Variants in DUOX1 observed in about 807,000 individuals in gnomAD.
The protein encoded by DUOX1 is dual oxidase 1.
In DUOX1, 134 loss-of-function variants were observed where a neutral mutation model predicts 181.8. The observed-to-expected ratio is 0.74, with a 90% CI of 0.64 to 0.85. DUOX1 has a LOEUF of 0.85. DUOX1 is among the 40% of genes least tolerant of loss of function. The pLI is 0.00. For synonymous variants in DUOX1, 798 were observed against 832.5 expected (o/e 0.96, Z 0.71); for missense variants, 1,814 against 2,064.4 (o/e 0.88, Z 2.35).
intron 28 of DUOX1, among the ~76,000 whole-genome samples, chr15:45,157,528 C>T (rs1010236499): frequency 3.3e-5 from 5 of 152,070 alleles, no homozygotes; most frequent in Non-Finnish European, 7.4e-5. Flanking sequence ...GTCAGGGGTT[C>T]GAAAGGTGTG....
chr15:45,160,680 G>GATCTAGAAAATACTCT (rs1595596934), intron 28 of DUOX1, among the ~76,000 whole-genome samples, 157 bp from the exon 29 acceptor site: 3 of 152,202 alleles, frequency 2.0e-5, no homozygotes, highest in African/African-American at 2.4e-5. Flanking sequence ...ATGGAGTTGG[G>GATCTAGAAAATACTCT]AATGGTGAGG....
At chr15:45,155,207 C>A (rs1896940452) in intron 27 of DUOX1, among the ~76,000 whole-genome samples, 1 of 152,224 alleles carries the variant, frequency 6.6e-6, no homozygotes, top group Non-Finnish European at 1.5e-5. Context: ...CTAGCTTAGC[C>A]TGTTCCTCAT....
At chr15:45,141,864 C>T in intron 14 of DUOX1, 111 bp from the exon 15 acceptor site, 1 of 1,285,492 alleles carries the variant, frequency 7.8e-7, no homozygotes, top group Non-Finnish European at 1.1e-6. Context: ...CCCTTCCCCT[C>T]AGCTACCCAG....
At chr15:45,131,717 T>C (rs568262736) in intron 1 of DUOX1, 1 of 548,004 alleles carries the variant, frequency 1.8e-6, no homozygotes, top group Non-Finnish European at 3.3e-6. Flanking sequence ...CCAGTGTCTA[T>C]GTCAGTGGCT....
chr15:45,137,582 T>G (rs560131563), intron 9 of DUOX1, among the ~76,000 whole-genome samples: 1 of 152,070 alleles, frequency 6.6e-6, no homozygotes, highest in South Asian at 2.1e-4. Context: ...AGAAGAACAA[T>G]TTTTGAATCC....
At chr15:45,132,723 CA>C (rs1349557345) in intron 2 of DUOX1, among the ~76,000 whole-genome samples, 1 of 152,218 alleles carries the variant, frequency 6.6e-6, no homozygotes, top group Non-Finnish European at 1.5e-5. Context: ...CAGAGCTACT[CA>C]CATCCACGTT....
chr15:45,151,144 C>T lies in DUOX1; in HGVS notation c.2910C>T (p.Ala970=). 6.2e-7 allele frequency: 1 copy of T among 1,614,138 alleles called. No homozygotes were observed. Among genetic ancestry groups the T allele is most frequent in the Non-Finnish European group, 8.5e-7 (1 of 1,180,016 alleles). Residue 970 remains alanine, a synonymous_variant, in exon 23 of 34, where the codon GCC becomes GCT. Coordinates refer to ENST00000389037, the MANE Select transcript of DUOX1 (RefSeq NM_175940.3). Reference sequence around the variant, plus strand: ...TTAGTCCCTCTCCCAGAGTGAGTGCCCGCTGTTCCCGCAGCGACATTGAGA... The same window carrying T: ...TTAGTCCCTCTCCCAGAGTGAGTGCTCGCTGTTCCCGCAGCGACATTGAGA... ...DMICPSPRVS[A]RCSRSDIETE...
chr15:45,155,722 A>C, intron 27 of DUOX1, 80 bp from the exon 28 acceptor site: 1 of 1,598,038 alleles, frequency 6.3e-7, no homozygotes, highest in Non-Finnish European at 8.5e-7. Context: ...AGTGGAGTGG[A>C]GAGGGGACCT....
At chr15:45,141,448 T>A (rs1648283) in intron 14 of DUOX1, 38 bp downstream of exon 14, 3 of 1,605,200 alleles carry the variant, frequency 1.9e-6, no homozygotes, top group Non-Finnish European at 2.6e-6. Context: ...GTGGTGGGTC[T>A]GGAGCCTCGT....
In DUOX1 at chr15:45,148,155, G is replaced by T. The variant is rs1027725985; in HGVS notation, c.2643-117G>T. On this transcript the variant is annotated intron_variant, in intron 20 of 33. Coordinates refer to ENST00000389037, the MANE Select transcript of DUOX1 (RefSeq NM_175940.3). ...AAACTAGCAGGGGGCTTGGGATGTG[G>T]CCAGTCGGGGCCCCTCCACATGGGC... The T allele has an allele frequency of 3.3e-6, 5 of 1,512,012 alleles. No homozygotes were observed. In the East Asian group the frequency reaches 9.1e-5, roughly 28 times the overall value. The allele number at this position is 1,512,012 out of a possible 1,614,324, so 93.7% of individuals were successfully genotyped here.
rs535378951 is a variant in DUOX1, at chr15:45,156,502, A to C, written c.3702+573A>C. ...GGCTGGAGTGCAATGGCATGATCTCAACTCACAGCAACCACCGCCTTCCGG... is the reference window on the plus strand; with the variant it reads ...GGCTGGAGTGCAATGGCATGATCTCCACTCACAGCAACCACCGCCTTCCGG... On this transcript the variant is annotated intron_variant, in intron 28 of 33. Transcript: ENST00000389037. Among the ~76,000 whole-genome samples the C allele has an allele frequency of 1.2e-3, 180 of 152,164 alleles. 4 individuals carry two copies. In the South Asian group the frequency reaches 0.036, roughly 30 times the overall value.
At chr15:45,143,820 A>C (rs575396888) in intron 16 of DUOX1, among the ~76,000 whole-genome samples, 1 of 152,384 alleles carries the variant, frequency 6.6e-6, no homozygotes, top group African/African-American at 2.4e-5. Flanking sequence ...TATAGTATTG[A>C]GCACATAGAA....
chr15:45,151,216 T>G lies in DUOX1; in HGVS notation c.2982T>G (p.Pro994=), dbSNP rs781569332. The G allele has an allele frequency of 3.1e-6, 5 of 1,614,086 alleles. No homozygotes were observed. Among genetic ancestry groups the G allele is most frequent in the Non-Finnish European group, 4.2e-6 (5 of 1,180,000 alleles). Residue 994 remains proline (P), a synonymous_variant, in exon 23 of 34, where the codon CCT becomes CCG. Transcript: ENST00000389037. ...TGCAGTGCCCCATGGACACAGACCC[T>G]CCCCAGGAGATTCGGCGGAGGTTTG... ...QRLQCPMDTD[P]PQEIRRRFGK...
In DUOX1 at chr15:45,138,022, C is replaced by T; in HGVS notation, c.1113+8C>T. 1 of 1,599,694 alleles carries T rather than the reference C, an allele frequency of 6.3e-7. No individual in the cohort carries two copies. The highest frequency in any genetic ancestry group is 8.5e-7 in the Non-Finnish European group (1 of 1,171,496). ...AGCTACTGGAGCCGTGAGGTCCGAGCTGGGGGCCACATATGTGGTGGATGT... is the reference window on the plus strand; with the variant it reads ...AGCTACTGGAGCCGTGAGGTCCGAGTTGGGGGCCACATATGTGGTGGATGT... On this transcript the variant is annotated splice_region_variant and intron_variant, in intron 10 of 33. Coordinates refer to ENST00000389037, the MANE Select transcript of DUOX1 (RefSeq NM_175940.3).
At position 45,151,857 on chromosome 15, in the gene DUOX1, G is replaced by C. The variant is rs1238002468; in HGVS notation, c.3015-17G>C. The C allele has an allele frequency of 6.2e-7, 1 of 1,605,342 alleles. No homozygotes were observed. Among genetic ancestry groups the C allele is most frequent in the Non-Finnish European group, 8.5e-7 (1 of 1,174,906 alleles). ...TCCCATGGTGGGTGCCAAAGGCTAA[G>C]GCTTCCTGTCTCCCAGGGTAACGTC... On this transcript the variant is annotated splice_polypyrimidine_tract_variant and intron_variant, in intron 23 of 33. Coordinates refer to ENST00000389037, the MANE Select transcript of DUOX1 (RefSeq NM_175940.3).
intron 23 of DUOX1, among the ~76,000 whole-genome samples, chr15:45,151,458 C>T (rs1228486076): frequency 2.0e-5 from 3 of 152,102 alleles, no homozygotes; most frequent in East Asian, 1.9e-4. Context: ...GTGGTAAGAG[C>T]GAAGGGCTTT....
At chr15:45,134,334 G>A in intron 4 of DUOX1, 25 bp downstream of exon 4, 1 of 1,570,080 alleles carries the variant, frequency 6.4e-7, no homozygotes, top group East Asian at 2.3e-5. Flanking sequence ...CTCTGGGGAA[G>A]GAAGCCGGTG....
At chr15:45,152,192 G>A (rs1044319860) in intron 24 of DUOX1, 94 bp from the exon 25 acceptor site, 17 of 1,472,594 alleles carry the variant, frequency 1.2e-5, no homozygotes, top group Admixed American at 4.0e-5. Context: ...GGGGAGGCCT[G>A]TTGTGAGTGG....
intron 10 of DUOX1, among the ~76,000 whole-genome samples, chr15:45,138,391 C>G (rs1896393106): frequency 6.6e-6 from 1 of 152,280 alleles, no homozygotes; most frequent in Non-Finnish European, 1.5e-5. Flanking sequence ...ACTAGTCTCA[C>G]TTGCCCCAAG....
Sources: gnomAD v4.1 joint callset for allele counts (sites outside exome capture counted in the v4.1 genomes callset) on GRCh38, gnomAD v4.1.1 for gene constraint, MANE v1.5 for transcripts, NCBI Gene and HGNC (gene_info 2026-07-23, HGNC 2026-07-21) for gene names.